Variants in GPATCH8 observed in about 807,000 individuals in gnomAD.
The protein encoded by GPATCH8 is G patch domain-containing protein 8.
A neutral mutation model predicts 118.3 loss-of-function variants in GPATCH8; 18 were observed. The ratio of observed to expected loss-of-function variants is 0.15; its 90% CI spans 0.11 to 0.23. The LOEUF (loss-of-function observed/expected upper bound fraction) is 0.23, where lower values mean the gene tolerates loss of function less well. Ranked by LOEUF, GPATCH8 falls within the 10% of genes least tolerant of loss-of-function variation. GPATCH8 has a pLI of 1.00. For missense variants in GPATCH8, 1,631 were observed against 1,873.8 expected (o/e 0.87, Z 2.39); for synonymous variants, 659 against 684.7 (o/e 0.96, Z 0.59).
rs1346952148 is a variant in GPATCH8, at chr17:44,400,749, T to C, written c.1328A>G (p.Lys443Arg). 6 of 1,613,660 alleles carry C rather than the reference T, an allele frequency of 3.7e-6. No homozygotes were observed. The highest frequency in any genetic ancestry group is 5.1e-6 in the Non-Finnish European group (6 of 1,179,676). ...ESKKGSSPKP[K>R]SCIKAAASQG... ...GCTTGCTGCCGCCTTGATGCAGCTT[T>C]TAGGCTTGGGAGAACTGCCTTTTTT... The change falls in exon 8 of 8, where the codon AAA becomes AGA. Residue 443 changes from lysine (K) to arginine (R), a missense_variant. Lys to Arg is a conservative substitution (Grantham distance 26, BLOSUM62 2). This residue lies in a region of GPATCH8 where 405 missense variants were observed against 462.7 expected (regional missense o/e 0.88). Transcript: ENST00000591680.
At chr17:44,456,488 T>A (rs1450491815) in intron 3 of GPATCH8, among the ~76,000 whole-genome samples, 1 of 152,236 alleles carries the variant, frequency 6.6e-6, no homozygotes, top group African/African-American at 2.4e-5. Flanking sequence ...CATGTTTCTA[T>A]TCTATTCTTT....
At chr17:44,429,049 G>A (rs891214864) in intron 5 of GPATCH8, among the ~76,000 whole-genome samples, 4 of 152,086 alleles carry the variant, frequency 2.6e-5, no homozygotes, top group African/African-American at 7.2e-5. Flanking sequence ...GCTGAGGCAG[G>A]AGAATGGCAT....
intron 6 of GPATCH8, among the ~76,000 whole-genome samples, chr17:44,412,442 A>C (rs1321703408): frequency 6.6e-6 from 1 of 152,012 alleles, no homozygotes; most frequent in Admixed American, 6.5e-5. Context: ...GCTGGAGTGC[A>C]GTGGCAGAAT....
intron 1 of GPATCH8, among the ~76,000 whole-genome samples, chr17:44,499,128 C>T (rs899117854): frequency 1.3e-5 from 2 of 152,178 alleles, no homozygotes; most frequent in Admixed American, 1.3e-4. Context: ...CTCTTATCAA[C>T]TTATCACTCA....
Position 44,497,606 on chromosome 17 carries a change from T to A in GPATCH8, c.45+5720A>T, listed in dbSNP as rs142377736. On this transcript the variant is annotated intron_variant, in intron 1 of 7. Transcript: ENST00000591680. ...TTGTCTCAAAAACGAATTTTTTATT[T>A]AAAAAAATTAAATTTAAAAAAGTCT... 3.3e-5 allele frequency among the ~76,000 whole-genome samples: 5 copies of A among 151,656 alleles called. 1 individual carries two copies. The highest frequency in any genetic ancestry group is 3.9e-4 in the East Asian group (2 of 5,136).
chr17:44,406,058 TA>T lies in GPATCH8; in HGVS notation c.493-8del. ...GCTTCAGATCTTTTAATCTCTGGGT[TA>T]AAAGAAAGAAAGATACAGAGGGTGG... On this transcript the variant is annotated splice_region_variant and splice_polypyrimidine_tract_variant and intron_variant, in intron 6 of 7. Coordinates refer to ENST00000591680, the MANE Select transcript of GPATCH8 (RefSeq NM_001002909.4). The T allele has an allele frequency of 6.3e-7, 1 of 1,597,118 alleles. No homozygotes were observed. Among genetic ancestry groups the T allele is most frequent in the Non-Finnish European group, 8.6e-7 (1 of 1,164,710 alleles).
chr17:44,420,808 AAAAGGCAAGTCTATACATT>A (rs2049870728), intron 6 of GPATCH8, among the ~76,000 whole-genome samples: 1 of 152,126 alleles, frequency 6.6e-6, no homozygotes, highest in African/African-American at 2.4e-5. Context: ...TTTTTCCCTT[AAAAGGCAAGTCTATACATT>A]ATTGAAGTTT....
chr17:44,474,391 A>G (rs1411715519), intron 2 of GPATCH8: 1 of 251,510 alleles, frequency 4.0e-6, no homozygotes, highest in Non-Finnish European at 7.8e-6. Flanking sequence ...AAAACATATT[A>G]CTCCTTAAAT....
intron 3 of GPATCH8, among the ~76,000 whole-genome samples, chr17:44,448,681 C>T (rs774753393): frequency 5.9e-5 from 9 of 151,686 alleles, no homozygotes; most frequent in Admixed American, 2.6e-4. Flanking sequence ...ATCCTACTAA[C>T]CCAGTGTCAT....
Position 44,400,800 on chromosome 17 carries a change from G to C in GPATCH8, c.1277C>G (p.Thr426Arg). ...ACTCTCTGGGGCATTCTTTGGGTGT[G>C]TAGTATTATCACCATCCATTTGTTC... The part of the protein sequence containing the change: ...ASEQMDGDNT[T>R]HPKNAPESKK... Residue 426 changes from threonine to arginine, a missense_variant, in exon 8 of 8, where the codon ACA becomes AGA. By Grantham distance (71) the Thr-to-Arg change is moderately conservative. Coordinates refer to ENST00000591680, the MANE Select transcript of GPATCH8 (RefSeq NM_001002909.4). 1 of 1,614,018 alleles carries C rather than the reference G, an allele frequency of 6.2e-7. No individual in the cohort carries two copies. Among genetic ancestry groups the C allele is most frequent in the Non-Finnish European group, 8.5e-7 (1 of 1,179,868 alleles).
At chr17:44,413,243 C>T (rs1179376324) in intron 6 of GPATCH8, among the ~76,000 whole-genome samples, 1 of 152,098 alleles carries the variant, frequency 6.6e-6, no homozygotes, top group East Asian at 1.9e-4. Context: ...TAGTGAAAAA[C>T]TGAGAGAAAA....
chr17:44,433,938 A>C (rs1162964668), intron 5 of GPATCH8, among the ~76,000 whole-genome samples: 1 of 152,100 alleles, frequency 6.6e-6, no homozygotes, highest in East Asian at 1.9e-4. Flanking sequence ...AAGGAGTTCG[A>C]GACCAGCCTG....
At chr17:44,436,427 T>C (rs765811131) in intron 4 of GPATCH8, 51 bp downstream of exon 4, 13 of 821,238 alleles carry the variant, frequency 1.6e-5, no homozygotes, top group Non-Finnish European at 2.9e-5. Context: ...TTGGAATTAG[T>C]ATTATTTCAA....
At chr17:44,428,916 C>T (rs1018025255) in intron 5 of GPATCH8, among the ~76,000 whole-genome samples, 2 of 151,676 alleles carry the variant, frequency 1.3e-5, no homozygotes, top group Admixed American at 6.6e-5. Context: ...CCGAGGTGGG[C>T]GGTTCACGAG....
intron 6 of GPATCH8, among the ~76,000 whole-genome samples, chr17:44,418,444 C>A (rs1225364483): frequency 6.6e-6 from 1 of 150,740 alleles, no homozygotes; most frequent in Non-Finnish European, 1.5e-5. Context: ...AGGAGATGAT[C>A]AGTGCTAATG....
rs1391786709 is a variant in GPATCH8, at chr17:44,398,474, G to A, written c.3603C>T (p.Pro1201=). Residue 1201 remains proline (P), a synonymous_variant, in exon 8 of 8, where the codon CCC becomes CCT. Coordinates refer to ENST00000591680, the MANE Select transcript of GPATCH8 (RefSeq NM_001002909.4). ...ACTCTTCTGGGGGTGGGTCTAATAAGGGGCCAGTTGTTTCCTCTGAAGGGA... is the reference window on the plus strand; with the variant it reads ...ACTCTTCTGGGGGTGGGTCTAATAAAGGGCCAGTTGTTTCCTCTGAAGGGA... ...HQFPSEETTG[P]LLDPPPEESK... 1.9e-6 allele frequency: 3 copies of A among 1,610,334 alleles called. No individual in the cohort carries two copies. Among genetic ancestry groups the A allele is most frequent in the South Asian group, 1.1e-5 (1 of 90,554 alleles).
intron 5 of GPATCH8, among the ~76,000 whole-genome samples, chr17:44,425,136 CAATT>C (rs1471040600): frequency 6.6e-6 from 1 of 152,114 alleles, no homozygotes; most frequent in African/African-American, 2.4e-5. Flanking sequence ...AAAGAGAAAA[CAATT>C]AAAAGATACC....
At chr17:44,473,366 C>T (rs1967463680) in intron 2 of GPATCH8, 1 of 152,168 alleles carries the variant, frequency 6.6e-6, no homozygotes. Context: ...GATCTCCTGA[C>T]CTCGTGATCC....
chr17:44,463,504 G>A (rs2051641236), intron 3 of GPATCH8, among the ~76,000 whole-genome samples: 2 of 152,132 alleles, frequency 1.3e-5, no homozygotes, highest in East Asian at 3.9e-4. Context: ...CTCTGCCTCA[G>A]GCTCCCAAGC....
Sources: gnomAD v4.1 joint callset for allele counts (sites outside exome capture counted in the v4.1 genomes callset) on GRCh38, gnomAD v4.1.1 for gene constraint, gnomAD v4.1.1 regional missense constraint, MANE v1.5 for transcripts, NCBI Gene and HGNC (gene_info 2026-07-23, HGNC 2026-07-21) for gene names.